Variants in STAC observed in about 807,000 individuals in gnomAD.
STAC encodes SH3 and cysteine rich domain.
A neutral mutation model predicts 48.8 loss-of-function variants in STAC; 43 were observed. That is an observed-to-expected ratio of 0.88 (90% CI 0.69 to 1.14). STAC has a LOEUF of 1.14. Among genes scored for constraint, STAC ranks in the 50% most tolerant of loss-of-function variants. The pLI is 0.00. For synonymous variants in STAC, 193 were observed against 179.5 expected, an observed-to-expected ratio of 1.07 and a Z score of -0.60; for missense variants, 497 against 504.0, an observed-to-expected ratio of 0.99 and a Z score of 0.13.
At chr3:36,484,502 A>T (rs1389710611) in intron 3 of STAC, among the ~76,000 whole-genome samples, 1 of 152,242 alleles carries the variant, frequency 6.6e-6, no homozygotes, top group African/African-American at 2.4e-5. Context: ...TAGAATCCAG[A>T]TTACAGAGCA....
intron 6 of STAC, among the ~76,000 whole-genome samples, chr3:36,503,439 TTTTG>T (rs1275685540): frequency 6.6e-6 from 1 of 152,082 alleles, no homozygotes; most frequent in Non-Finnish European, 1.5e-5. Flanking sequence ...TTGTTTTTGT[TTTTG>T]TTTTTTAGAT....
intron 6 of STAC, among the ~76,000 whole-genome samples, chr3:36,504,030 C>T (rs12637610): frequency 0.11 from 16,816 of 152,158 alleles, 1,147 homozygotes; most frequent in East Asian, 0.29. Context: ...TATATCTCAA[C>T]CACCACCCCA....
chr3:36,491,011 T>C (rs1012119300), intron 5 of STAC, among the ~76,000 whole-genome samples: 2 of 151,912 alleles, frequency 1.3e-5, no homozygotes, highest in East Asian at 1.9e-4. Flanking sequence ...ACAAACCAAA[T>C]TGTACTTAAA....
intron 1 of STAC, among the ~76,000 whole-genome samples, chr3:36,413,483 A>C (rs1198142663): frequency 6.6e-6 from 1 of 152,170 alleles, no homozygotes; most frequent in Non-Finnish European, 1.5e-5. Context: ...TTTATCAGAG[A>C]CTAGGATTAC....
At chr3:36,403,659 T>C (rs73057915) in intron 1 of STAC, among the ~76,000 whole-genome samples, 3,534 of 152,210 alleles carry the variant, frequency 0.023, 61 homozygotes, top group East Asian at 0.026. Flanking sequence ...ACACAATTAG[T>C]AAAATCATGT....
chr3:36,539,793 A>G (rs972020279), intron 10 of STAC, among the ~76,000 whole-genome samples: 2 of 152,180 alleles, frequency 1.3e-5, no homozygotes, highest in African/African-American at 4.8e-5. Flanking sequence ...TGAGACATAC[A>G]TGCATATTTT....
intron 1 of STAC, among the ~76,000 whole-genome samples, chr3:36,412,262 G>C (rs899626837): frequency 1.3e-5 from 2 of 152,082 alleles, no homozygotes; most frequent in African/African-American, 4.8e-5. Context: ...CTATGTTCTG[G>C]ACAAGAAGGA....
chr3:36,386,945 T>G (rs142175838), intron 1 of STAC, among the ~76,000 whole-genome samples: 34 of 152,180 alleles, frequency 2.2e-4, no homozygotes, highest in Admixed American at 4.6e-4. Flanking sequence ...TGGAACTGCA[T>G]TGAATCTATA....
At position 36,546,347 on chromosome 3, in the gene STAC, T is replaced by C; in HGVS notation, c.*58T>C. On this transcript the variant is annotated 3_prime_UTR_variant, in exon 11 of 11. Coordinates refer to ENST00000273183, the MANE Select transcript of STAC (RefSeq NM_003149.3). ...GCTCTGCTGCGATGCCTCTGCCTCA[T>C]CTCACACTGCGTCAACCCAAAGGAG... 6.8e-7 allele frequency: 1 copy of C among 1,472,248 alleles called. No individual in the cohort carries two copies. The highest frequency in any genetic ancestry group is 9.5e-7 in the Non-Finnish European group (1 of 1,051,378). The allele number at this position is 1,472,248 out of a possible 1,614,324, so 91.2% of individuals were successfully genotyped here.
intron 2 of STAC, among the ~76,000 whole-genome samples, chr3:36,446,418 T>C (rs369589032): frequency 6.6e-6 from 1 of 152,238 alleles, no homozygotes; most frequent in Non-Finnish European, 1.5e-5. Context: ...CTGTCTCTTG[T>C]ACTTGGCTAG....
chr3:36,512,635 T>C (rs1698570820), intron 8 of STAC, among the ~76,000 whole-genome samples: 1 of 152,200 alleles, frequency 6.6e-6, no homozygotes, highest in Non-Finnish European at 1.5e-5. Context: ...GTGCTTATTT[T>C]AGTTGGTTGC....
rs1700452678 is a variant in STAC, at chr3:36,421,639, T to C, written c.112-21725T>C. The stretch of plus-strand genomic sequence containing the variant: ...TTGTTTTTGAACAGTGCTTATGCCA[T>C]AGTCATTCTGAAGTCTTCTTCGGGA... On this transcript the variant is annotated intron_variant, in intron 1 of 10. Coordinates refer to ENST00000273183, the MANE Select transcript of STAC (RefSeq NM_003149.3). Among the ~76,000 whole-genome samples, 4 of 152,282 alleles carry C rather than the reference T, an allele frequency of 2.6e-5. No individual in the cohort carries two copies. In the South Asian group the frequency reaches 8.3e-4, roughly 32 times the overall value.
At chr3:36,416,520 C>A (rs988565523) in intron 1 of STAC, among the ~76,000 whole-genome samples, 1 of 152,150 alleles carries the variant, frequency 6.6e-6, no homozygotes, top group African/African-American at 2.4e-5. Flanking sequence ...ACATTTTAAT[C>A]ATCTGCACAA....
intron 1 of STAC, among the ~76,000 whole-genome samples, chr3:36,393,443 T>C (rs191458794): frequency 3.6e-4 from 54 of 152,110 alleles, no homozygotes; most frequent in African/African-American, 1.3e-3. Context: ...TAGGCAGTGA[T>C]AAAGCTAAAT....
chr3:36,435,464 T>G (rs552109523), intron 1 of STAC, among the ~76,000 whole-genome samples: 67 of 152,246 alleles, frequency 4.4e-4, no homozygotes, highest in African/African-American at 1.6e-3. Context: ...TTCTCTCTTA[T>G]GCATCGTCAG....
intron 10 of STAC, among the ~76,000 whole-genome samples, chr3:36,538,218 T>G (rs1699243461): frequency 6.6e-6 from 1 of 152,164 alleles, no homozygotes; most frequent in Non-Finnish European, 1.5e-5. Context: ...TAAGAAAGTT[T>G]TATTAGAACA....
intron 2 of STAC, among the ~76,000 whole-genome samples, chr3:36,445,491 C>T (rs73065745): frequency 0.051 from 7,804 of 151,832 alleles, 276 homozygotes; most frequent in Non-Finnish European, 0.075. Flanking sequence ...AAAGAAAAGG[C>T]GGGAGGAAGG....
At chr3:36,533,672 T>C (rs1699127857) in intron 10 of STAC, among the ~76,000 whole-genome samples, 1 of 151,978 alleles carries the variant, frequency 6.6e-6, no homozygotes, top group Admixed American at 6.6e-5. Flanking sequence ...TCCCCACAAT[T>C]TTTTTTCTGG....
At chr3:36,471,025 G>C (rs1008622756) in intron 2 of STAC, among the ~76,000 whole-genome samples, 1 of 152,222 alleles carries the variant, frequency 6.6e-6, no homozygotes, top group South Asian at 2.1e-4. Context: ...GCTGTCTATA[G>C]ACCTGTTGTA....
Sources: allele counts gnomAD v4.1 joint callset (sites outside exome capture counted in the v4.1 genomes callset), GRCh38; gene constraint gnomAD v4.1.1; transcripts MANE v1.5; gene names NCBI Gene and HGNC (gene_info 2026-07-23, HGNC 2026-07-21).